Variants in DLG1 observed in about 807,000 individuals in gnomAD.
The protein encoded by DLG1 is disks large homolog 1.
DLG1 carries 42 observed loss-of-function variants against 123.4 expected under a neutral mutation model. The observed-to-expected ratio is 0.34, with a 90% CI of 0.27 to 0.44. DLG1 has a LOEUF of 0.44. Among genes scored for constraint, DLG1 ranks in the 20% least tolerant of loss-of-function variants. The pLI, the probability that DLG1 is intolerant of heterozygous loss-of-function variation, is 1.00. For missense variants in DLG1, 942 were observed against 1,082.6 expected, an observed-to-expected ratio of 0.87 and a Z score of 1.82; for synonymous variants, 317 against 356.2, an observed-to-expected ratio of 0.89 and a Z score of 1.24.
chr3:197,083,409 TTAC>T (rs1162659815), intron 16 of DLG1, among the ~76,000 whole-genome samples: 3 of 152,180 alleles, frequency 2.0e-5, no homozygotes, highest in South Asian at 2.1e-4. Context: ...GCTGGCTATC[TTAC>T]TACTACTACT....
At chr3:197,228,458 T>C (rs1741105055) in intron 4 of DLG1, among the ~76,000 whole-genome samples, 1 of 152,256 alleles carries the variant, frequency 6.6e-6, no homozygotes, top group African/African-American at 2.4e-5. Flanking sequence ...TATATTCAAC[T>C]ATGATAATAT....
chr3:197,177,707 T>C (rs1356018422), intron 5 of DLG1, among the ~76,000 whole-genome samples: 2 of 152,180 alleles, frequency 1.3e-5, no homozygotes, highest in African/African-American at 4.8e-5. Context: ...ACTTTAATTA[T>C]TAATGATTCC....
chr3:197,117,622 G>A (rs1296762890), intron 12 of DLG1, among the ~76,000 whole-genome samples: 1 of 152,094 alleles, frequency 6.6e-6, no homozygotes, highest in African/African-American at 2.4e-5. Flanking sequence ...TCCAGAATAG[G>A]CAAATTCATA....
intron 17 of DLG1, among the ~76,000 whole-genome samples, chr3:197,079,618 T>C (rs1488987766): frequency 6.6e-6 from 1 of 152,212 alleles, no homozygotes; most frequent in Non-Finnish European, 1.5e-5. Context: ...TGATGGTATA[T>C]TGTACTAAAT....
chr3:197,249,492 T>A (rs9873165), intron 4 of DLG1, among the ~76,000 whole-genome samples: 17 of 151,810 alleles, frequency 1.1e-4, no homozygotes, highest in East Asian at 3.9e-4. Flanking sequence ...ACCTAATGGC[T>A]TCCTAATAAA....
intron 12 of DLG1, among the ~76,000 whole-genome samples, chr3:197,116,555 T>C (rs1395851187): frequency 1.3e-5 from 2 of 152,178 alleles, no homozygotes; most frequent in Non-Finnish European, 2.9e-5. Flanking sequence ...CATGCCCCTT[T>C]GCTGAGGTGA....
At chr3:197,232,661 A>G (rs1407002606) in intron 4 of DLG1, among the ~76,000 whole-genome samples, 1 of 152,118 alleles carries the variant, frequency 6.6e-6, no homozygotes, top group African/African-American at 2.4e-5. Context: ...TTTGTTCAAC[A>G]AATGGTATTA....
intron 5 of DLG1, among the ~76,000 whole-genome samples, chr3:197,178,985 T>A (rs1561275557): frequency 1.3e-5 from 2 of 152,160 alleles, no homozygotes. Context: ...TCAGAAGTTC[T>A]TGAACAACCA....
intron 13 of DLG1, among the ~76,000 whole-genome samples, chr3:197,114,423 CA>C (rs1771876707): frequency 1.3e-5 from 2 of 152,120 alleles, no homozygotes; most frequent in African/African-American, 4.8e-5. Flanking sequence ...ACACGCCAGA[CA>C]ACATAAAACA....
intron 3 of DLG1, among the ~76,000 whole-genome samples, chr3:197,287,580 G>A (rs1044588428): frequency 2.6e-5 from 4 of 152,132 alleles, no homozygotes; most frequent in East Asian, 1.9e-4. Context: ...CAATTTACAC[G>A]GCAGAGTTGA....
chr3:197,118,272 T>C (rs536218932), intron 12 of DLG1, among the ~76,000 whole-genome samples: 44 of 152,220 alleles, frequency 2.9e-4, no homozygotes, highest in Non-Finnish European at 5.4e-4. Context: ...CTTTACGGCC[T>C]TAAATAGGCA....
intron 5 of DLG1, among the ~76,000 whole-genome samples, chr3:197,156,946 A>G (rs1022388082): frequency 2.0e-5 from 3 of 152,234 alleles, no homozygotes; most frequent in African/African-American, 7.2e-5. Context: ...TATACCAAAG[A>G]GACACAGAAC....
chr3:197,090,819 C>A (rs191512286), intron 15 of DLG1, 93 bp downstream of exon 15: 30 of 691,068 alleles, frequency 4.3e-5, no homozygotes, highest in Non-Finnish European at 5.8e-5. Context: ...TATTTTCTTA[C>A]GGTAAAACTA....
chr3:197,261,265 A>G (rs963902021), intron 4 of DLG1, among the ~76,000 whole-genome samples: 2 of 152,046 alleles, frequency 1.3e-5, no homozygotes, highest in African/African-American at 4.8e-5. Context: ...TTCCAGCCAC[A>G]CTCCCCTATA....
At chr3:197,252,516 T>G (rs1244989310) in intron 4 of DLG1, among the ~76,000 whole-genome samples, 5 of 152,160 alleles carry the variant, frequency 3.3e-5, no homozygotes, top group African/African-American at 1.2e-4. Flanking sequence ...TATACTTTTA[T>G]GTGGTACTTA....
chr3:197,290,034 G>A (rs1437616712), intron 3 of DLG1, among the ~76,000 whole-genome samples: 1 of 152,086 alleles, frequency 6.6e-6, no homozygotes, highest in Admixed American at 6.6e-5. Flanking sequence ...ATCTTGTTAT[G>A]CCAAAAATTA....
chr3:197,109,524 A>G (rs890446431), intron 13 of DLG1, among the ~76,000 whole-genome samples: 1 of 152,208 alleles, frequency 6.6e-6, no homozygotes, highest in Non-Finnish European at 1.5e-5. Context: ...GTTGGAGAAA[A>G]AAAGAGTTGC....
At position 197,149,906 on chromosome 3, in the gene DLG1, A is replaced by T. The variant is rs1793039048; in HGVS notation, c.484-110T>A. The T allele has an allele frequency of 1.5e-5, 10 of 687,234 alleles. No homozygotes were observed. The South Asian group carries it at 1.8e-4, about 12-fold the overall frequency. 42.6% of individuals were successfully genotyped at this position (687,234 alleles called of 1,614,324 possible). On this transcript the variant is annotated intron_variant, in intron 5 of 24. Coordinates refer to ENST00000667157, the MANE Select transcript of DLG1 (RefSeq NM_001366207.1). ...TTGCTATTTCTTAAGTTATAATCTT[A>T]TATGAGCTTTTTATATGTTAAATAA...
intron 1 of DLG1, chr3:197,297,888 C>A (rs931397707): frequency 3.0e-6 from 3 of 985,110 alleles, no homozygotes; most frequent in African/African-American, 1.7e-5. Context: ...GCTCCACGTA[C>A]CCCCGCCCCG....
Sources: gnomAD v4.1 joint callset for allele counts (sites outside exome capture counted in the v4.1 genomes callset) on GRCh38, gnomAD v4.1.1 for gene constraint, MANE v1.5 for transcripts, NCBI Gene and HGNC (gene_info 2026-07-23, HGNC 2026-07-21) for gene names.